MACROD2: variants seen among roughly 807,000 people sequenced by gnomAD.
MACROD2 encodes ADP-ribose glycohydrolase MACROD2.
MACROD2 carries 36 observed loss-of-function variants against 70.4 expected under a neutral mutation model. The ratio of observed to expected loss-of-function variants is 0.51; its 90% confidence interval spans 0.39 to 0.68. The LOEUF is 0.68. Among genes scored for constraint, MACROD2 ranks in the 30% least tolerant of loss-of-function variants. The pLI is 0.00. For synonymous variants in MACROD2, 172 were observed against 178.8 expected (o/e 0.96, Z 0.30); for missense variants, 496 against 538.4 (o/e 0.92, Z 0.78).
At chr20:14,119,159 A>ATTTTTTT (rs1181793101) in intron 3 of MACROD2, among the ~76,000 whole-genome samples, 6 of 56,764 alleles carry the variant, frequency 1.1e-4, no homozygotes, top group South Asian at 9.0e-4. Flanking sequence ...AATGACTGTG[A>ATTTTTTT]TTTTTTTTTT....
chr20:15,727,481 A>C (rs1568995791), intron 8 of MACROD2, among the ~76,000 whole-genome samples: 1 of 152,004 alleles, frequency 6.6e-6, no homozygotes, highest in Admixed American at 6.5e-5. Context: ...GAAGAATATC[A>C]TTGGTAGTTT....
intron 4 of MACROD2, among the ~76,000 whole-genome samples, chr20:14,667,249 A>G (rs1338483476): frequency 1.3e-5 from 2 of 152,106 alleles, no homozygotes; most frequent in Non-Finnish European, 2.9e-5. Flanking sequence ...CTTCTCAGTT[A>G]GCTTGCATTG....
intron 7 of MACROD2, among the ~76,000 whole-genome samples, chr20:15,478,127 C>G (rs1412890453): frequency 2.6e-5 from 4 of 152,162 alleles, no homozygotes; most frequent in African/African-American, 7.2e-5. Flanking sequence ...TTGTGTTGTT[C>G]TAAGTCACTG....
At chr20:14,910,358 A>T (rs2074011955) in intron 5 of MACROD2, among the ~76,000 whole-genome samples, 2 of 152,202 alleles carry the variant, frequency 1.3e-5, no homozygotes, top group Admixed American at 6.5e-5. Context: ...ATAGTACTGC[A>T]GCCCCTCAAG....
chr20:15,960,792 C>G (rs1194377369), intron 12 of MACROD2, among the ~76,000 whole-genome samples: 1 of 152,108 alleles, frequency 6.6e-6, no homozygotes, highest in Admixed American at 6.6e-5. Flanking sequence ...CAAGAGTGCC[C>G]TCTGTACTGG....
chr20:14,920,081 T>G (rs1036446047), intron 5 of MACROD2, among the ~76,000 whole-genome samples: 2 of 152,178 alleles, frequency 1.3e-5, no homozygotes, highest in Non-Finnish European at 2.9e-5. Context: ...TGCAGAAACC[T>G]CTTCCCCTTG....
intron 3 of MACROD2, among the ~76,000 whole-genome samples, chr20:14,190,696 ATATTTTTTTTTTTTTTTT>A (rs2081379198): frequency 2.5e-5 from 1 of 39,864 alleles, no homozygotes; most frequent in Non-Finnish European, 4.3e-5. Flanking sequence ...ATATATATAT[ATATTTTTTTTTTTTTTTT>A]TTTTTTTTTT....
chr20:14,357,711 G>A (rs1481493140), intron 3 of MACROD2, among the ~76,000 whole-genome samples: 1 of 152,216 alleles, frequency 6.6e-6, no homozygotes, highest in Non-Finnish European at 1.5e-5. Context: ...AACAACTGAT[G>A]AGCAGCTGCT....
intron 8 of MACROD2, among the ~76,000 whole-genome samples, chr20:15,843,896 G>C (rs1336428118): frequency 6.6e-6 from 1 of 152,068 alleles, no homozygotes; most frequent in Non-Finnish European, 1.5e-5. Flanking sequence ...TTGGACATCA[G>C]TAATGGTTGT....
chr20:14,286,989 G>A (rs548336971), intron 3 of MACROD2, among the ~76,000 whole-genome samples: 1 of 152,004 alleles, frequency 6.6e-6, no homozygotes, highest in Non-Finnish European at 1.5e-5. Flanking sequence ...CGGTTGTTTT[G>A]CTACTTAATC....
At chr20:15,687,280 G>T (rs931062448) in intron 8 of MACROD2, among the ~76,000 whole-genome samples, 1 of 139,482 alleles carries the variant, frequency 7.2e-6, no homozygotes, top group African/African-American at 3.0e-5. Context: ...TGAATTACAT[G>T]AAATTGTATA....
At chr20:14,329,580 A>G (rs898058803) in intron 3 of MACROD2, among the ~76,000 whole-genome samples, 1 of 152,106 alleles carries the variant, frequency 6.6e-6, no homozygotes, top group African/African-American at 2.4e-5. Context: ...ATTAAACACC[A>G]TGGCTTTCAA....
At chr20:15,242,639 G>GT (rs1223809535) in intron 6 of MACROD2, among the ~76,000 whole-genome samples, 2 of 152,072 alleles carry the variant, frequency 1.3e-5, no homozygotes, top group Admixed American at 6.6e-5. Context: ...TTAAGCTATC[G>GT]TAAGAAAACA....
intron 5 of MACROD2, among the ~76,000 whole-genome samples, chr20:15,105,904 G>C (rs1398012948): frequency 6.6e-6 from 1 of 152,082 alleles, no homozygotes; most frequent in South Asian, 2.1e-4. Context: ...GTGCCTATAG[G>C]TAATAATGGG....
chr20:15,483,870 G>T (rs1175063501), intron 7 of MACROD2, among the ~76,000 whole-genome samples: 1 of 151,624 alleles, frequency 6.6e-6, no homozygotes, highest in Non-Finnish European at 1.5e-5. Flanking sequence ...CTAGTTTATT[G>T]TTGGTACATA....
chr20:15,399,542 A>G (rs1224858945), intron 6 of MACROD2, among the ~76,000 whole-genome samples: 1 of 152,168 alleles, frequency 6.6e-6, no homozygotes, highest in South Asian at 2.1e-4. Flanking sequence ...ATTTCTCTAG[A>G]ACATATATAA....
intron 5 of MACROD2, among the ~76,000 whole-genome samples, chr20:15,150,902 C>T (rs1400794235): frequency 1.3e-5 from 2 of 151,888 alleles, no homozygotes; most frequent in Admixed American, 1.3e-4. Flanking sequence ...GTTTAGAAGC[C>T]TGGCTGTCAA....
intron 7 of MACROD2, among the ~76,000 whole-genome samples, chr20:15,471,342 C>T (rs538333717): frequency 5.3e-5 from 8 of 152,172 alleles, no homozygotes; most frequent in Non-Finnish European, 1.0e-4. Context: ...GTTCCCTGCT[C>T]CACTCAAGGA....
Position 15,217,106 on chromosome 20 carries a change from G to A in MACROD2, c.419-12834G>A, listed in dbSNP as rs373518139. Among the ~76,000 whole-genome samples, 106 of 152,190 alleles carry A rather than the reference G, an allele frequency of 7.0e-4. 4 individuals are homozygous for A. In the South Asian group the frequency reaches 0.022, roughly 31 times the overall value. On this transcript the variant is annotated intron_variant, in intron 5 of 17. Transcript: ENST00000684519. ...ATGAGTTTAAGAGTGAGAAGACCAG[G>A]CATCCAAGAAGTAGTAGAAGCAAAG...
Sources: gnomAD v4.1 joint callset for allele counts (sites outside exome capture counted in the v4.1 genomes callset) on GRCh38, gnomAD v4.1.1 for gene constraint, MANE v1.5 for transcripts, NCBI Gene and HGNC (gene_info 2026-07-23, HGNC 2026-07-21) for gene names.